The following HDAC9 variants were observed in gnomAD, a reference collection of about 807,000 sequenced individuals.
HDAC9 encodes histone deacetylase 9, also known as MEF-2 interacting transcription repressor (MITR) protein.
Under a neutral mutation model 139.4 loss-of-function variants are expected in HDAC9, and 41 were observed. The ratio of observed to expected loss-of-function variants is 0.29; its 90% confidence interval spans 0.23 to 0.38. The LOEUF (loss-of-function observed/expected upper bound fraction) is 0.38, where lower values mean the gene tolerates loss of function less well. Ranked by LOEUF, HDAC9 falls within the 10% of genes least tolerant of loss-of-function variation. HDAC9 has a pLI of 1.00. For synonymous variants in HDAC9, 517 were observed against 476.2 expected, an observed-to-expected ratio of 1.09 and a Z score of -1.12; for missense variants, 1,147 against 1,297.0, an observed-to-expected ratio of 0.88 and a Z score of 1.78.
chr7:18,458,829 C>T (rs1199050108), intron 1 of HDAC9: 33 of 1,532,496 alleles, frequency 2.2e-5, no homozygotes, highest in Non-Finnish European at 2.8e-5. Flanking sequence ...ACCTGACTTT[C>T]TTATCCCCAC....
intron 2 of HDAC9, among the ~76,000 whole-genome samples, chr7:18,570,499 AT>A (rs773174210): frequency 1.3e-5 from 2 of 152,262 alleles, no homozygotes; most frequent in Non-Finnish European, 2.9e-5. Flanking sequence ...TCTCATCTGT[AT>A]CAAGGCATAC....
intron 2 of HDAC9, among the ~76,000 whole-genome samples, chr7:18,530,970 C>A (rs1417774820): frequency 1.3e-5 from 2 of 151,822 alleles, no homozygotes; most frequent in Admixed American, 6.6e-5. Flanking sequence ...GTACTCCAGC[C>A]CTGCCTCCCA....
intron 22 of HDAC9, among the ~76,000 whole-genome samples, chr7:18,896,401 A>G (rs1801201590): frequency 6.6e-6 from 1 of 152,068 alleles, no homozygotes; most frequent in African/African-American, 2.4e-5. Flanking sequence ...ATTCACCATT[A>G]CCTTTAAAAG....
At chr7:18,157,482 C>T (rs904246143) in intron 1 of HDAC9, among the ~76,000 whole-genome samples, 1 of 152,084 alleles carries the variant, frequency 6.6e-6, no homozygotes, top group Admixed American at 6.5e-5. Flanking sequence ...TCCCTGGAGG[C>T]AGGGATACCA....
At chr7:18,137,031 G>GTTGGAT (rs1785473378) in intron 1 of HDAC9, among the ~76,000 whole-genome samples, 1 of 141,920 alleles carries the variant, frequency 7.0e-6, no homozygotes, top group Non-Finnish European at 1.5e-5. Flanking sequence ...TCCCTTGTAA[G>GTTGGAT]TTGGATTCCT....
intron 1 of HDAC9, among the ~76,000 whole-genome samples, chr7:18,326,462 T>C (rs1160914224): frequency 6.6e-6 from 1 of 152,056 alleles, no homozygotes; most frequent in Non-Finnish European, 1.5e-5. Context: ...TTGGAGTAGA[T>C]GCTTCACTTC....
chr7:18,591,677 G>A (rs772953148), intron 5 of HDAC9, 35 bp downstream of exon 5: 3 of 1,607,838 alleles, frequency 1.9e-6, no homozygotes, highest in Admixed American at 3.4e-5. Flanking sequence ...CATTCCTGGG[G>A]TAAAGAACAC....
At chr7:18,496,137 G>A in intron 1 of HDAC9, 114 bp downstream of exon 1, 2 of 1,403,880 alleles carry the variant, frequency 1.4e-6, no homozygotes, top group Non-Finnish European at 2.0e-6. Flanking sequence ...GGAGGAGGGA[G>A]AACCAGCGAG....
intron 22 of HDAC9, among the ~76,000 whole-genome samples, chr7:18,894,792 G>A (rs1801021411): frequency 6.6e-6 from 1 of 152,128 alleles, no homozygotes; most frequent in Admixed American, 6.6e-5. Flanking sequence ...AGAGAGAATT[G>A]CTATACAAAT....
chr7:18,570,389 A>T (rs1311252151), intron 2 of HDAC9, among the ~76,000 whole-genome samples: 5 of 152,232 alleles, frequency 3.3e-5, no homozygotes. Flanking sequence ...ATATTCAATT[A>T]CACATATCTC....
chr7:18,823,645 C>T lies in HDAC9; in HGVS notation c.2323-5516C>T, dbSNP rs371185244. Among the ~76,000 whole-genome samples, 8 of 152,170 alleles carry T rather than the reference C, an allele frequency of 5.3e-5. No individual in the cohort carries two copies. The East Asian group carries it at 1.5e-3, about 29-fold the overall frequency. Reference sequence around the variant, plus strand: ...ATGAGGAGATGATAAGGATCACATGCGGTCTTAAGGTCCCCAGTGAGATAG... The same window carrying T: ...ATGAGGAGATGATAAGGATCACATGTGGTCTTAAGGTCCCCAGTGAGATAG... On this transcript the variant is annotated intron_variant, in intron 17 of 25. Coordinates refer to ENST00000686413, the MANE Select transcript of HDAC9 (RefSeq NM_178425.4).
chr7:18,510,427 T>C (rs1020328428), intron 2 of HDAC9, among the ~76,000 whole-genome samples: 4 of 152,096 alleles, frequency 2.6e-5, no homozygotes, highest in Admixed American at 2.0e-4. Context: ...AGGTGTACTT[T>C]TATGTTATTC....
intron 17 of HDAC9, among the ~76,000 whole-genome samples, chr7:18,809,240 G>A (rs1336331167): frequency 6.6e-6 from 1 of 151,988 alleles, no homozygotes; most frequent in Non-Finnish European, 1.5e-5. Context: ...AAAACTACTT[G>A]AGGAAAACTT....
intron 2 of HDAC9, among the ~76,000 whole-genome samples, chr7:18,524,595 A>T (rs79086821): frequency 0.11 from 16,571 of 152,174 alleles, 1,228 homozygotes; most frequent in Non-Finnish European, 0.16. Context: ...ACGTTTAAAA[A>T]CAAAAATTTT....
At chr7:18,461,504 G>A (rs143086186) in intron 1 of HDAC9, among the ~76,000 whole-genome samples, 2 of 152,108 alleles carry the variant, frequency 1.3e-5, no homozygotes, top group East Asian at 3.9e-4. Flanking sequence ...ACCTGGTAGT[G>A]TGACATTTGC....
intron 17 of HDAC9, among the ~76,000 whole-genome samples, chr7:18,803,257 A>G (rs76937761): frequency 0.015 from 2,258 of 151,940 alleles, 66 homozygotes; most frequent in African/African-American, 0.051. Context: ...TTTTCTTTCT[A>G]TTTTAAAGCA....
chr7:18,322,722 A>T (rs1206211597), intron 1 of HDAC9, among the ~76,000 whole-genome samples: 1 of 152,188 alleles, frequency 6.6e-6, no homozygotes, highest in Non-Finnish European at 1.5e-5. Context: ...CATGGATAAT[A>T]GTAAGCCGAC....
intron 2 of HDAC9, among the ~76,000 whole-genome samples, chr7:18,549,315 T>G (rs1207293604): frequency 1.1e-4 from 17 of 152,146 alleles, no homozygotes; most frequent in Admixed American, 7.2e-4. Flanking sequence ...CTACAAAAAT[T>G]AAAACTTATG....
At chr7:18,988,647 A>G (rs1399080391) in intron 25 of HDAC9, among the ~76,000 whole-genome samples, 1 of 151,952 alleles carries the variant, frequency 6.6e-6, no homozygotes, top group African/African-American at 2.4e-5. Flanking sequence ...TGATCTGTCT[A>G]ATGTTGACAG....
Sources: gnomAD v4.1 joint callset for allele counts (sites outside exome capture counted in the v4.1 genomes callset) on GRCh38, gnomAD v4.1.1 for gene constraint, MANE v1.5 for transcripts, NCBI Gene and HGNC (gene_info 2026-07-23, HGNC 2026-07-21) for gene names.